The following SETD3 variants were observed in gnomAD, a reference collection of about 807,000 sequenced individuals.
SETD3 encodes the protein SET domain containing 3, actin N3(tau)-histidine methyltransferase.
SETD3 carries 19 observed loss-of-function variants against 63.0 expected under a neutral mutation model. The observed-to-expected ratio is 0.30, with a 90% CI of 0.21 to 0.44. SETD3 has a LOEUF of 0.44. SETD3 is among the 20% of genes least tolerant of loss of function. The probability of loss-of-function intolerance (pLI) is 1.00; values close to 1 mark genes in which losing one functional copy is unlikely to be tolerated. For synonymous variants in SETD3, 286 were observed against 264.1 expected (o/e 1.08, Z -0.80); for missense variants, 587 against 728.5 (o/e 0.81, Z 2.24).
intron 11 of SETD3, 39 bp downstream of exon 11, chr14:99,404,186 G>A: frequency 6.5e-7 from 1 of 1,548,366 alleles, no homozygotes; most frequent in Non-Finnish European, 8.9e-7. Flanking sequence ...GATTTAAAAA[G>A]AAAAAAGTCA....
chr14:99,447,627 T>C (rs1264458574), intron 6 of SETD3, among the ~76,000 whole-genome samples: 1 of 152,202 alleles, frequency 6.6e-6, no homozygotes, highest in Admixed American at 6.5e-5. Context: ...CCAGTGGCTC[T>C]ACCAAACTTT....
At chr14:99,486,077 A>G in the SETD3 span, among the ~76,000 whole-genome samples, 234 of 152,344 alleles carry the variant, frequency 1.5e-3, 2 homozygotes, top group African/African-American at 5.4e-3. Flanking sequence ...TCATGAAACC[A>G]TCACAATTTT....
chr14:99,477,063 T>C (rs1359285480), intron 1 of SETD3, among the ~76,000 whole-genome samples: 3 of 152,190 alleles, frequency 2.0e-5, no homozygotes, highest in Non-Finnish European at 4.4e-5. Context: ...AATGATTCAC[T>C]TTGGCTTAGT....
At chr14:99,409,700 A>G (rs1004517726) in intron 8 of SETD3, 1 of 149,636 alleles carries the variant, frequency 6.7e-6, no homozygotes, top group Non-Finnish European at 1.5e-5. Context: ...TTCCACAAAT[A>G]TGTATTATAT....
At chr14:99,430,045 G>A (rs902826802) in intron 6 of SETD3, among the ~76,000 whole-genome samples, 1 of 152,228 alleles carries the variant, frequency 6.6e-6, no homozygotes, top group African/African-American at 2.4e-5. Context: ...GATGGCTCAA[G>A]ATGGGCCTGA....
chr14:99,401,215 T>A (rs1036148585), intron 11 of SETD3, among the ~76,000 whole-genome samples: 1 of 151,992 alleles, frequency 6.6e-6, no homozygotes, highest in Non-Finnish European at 1.5e-5. Context: ...TAAATAGGAA[T>A]TACAAATACA....
intron 6 of SETD3, among the ~76,000 whole-genome samples, chr14:99,446,796 G>A (rs760428983): frequency 9.2e-5 from 14 of 152,038 alleles, no homozygotes; most frequent in Admixed American, 2.6e-4. Context: ...GAGCAGAAGC[G>A]TTGCCAGTCC....
At chr14:99,481,216 T>C, upstream of SETD3, 1 of 392,828 alleles carries the variant, frequency 2.5e-6, no homozygotes. Context: ...ACCGACGGGA[T>C]GGGCCCTGTG....
At chr14:99,472,612 T>C (rs1215962251) in intron 1 of SETD3, among the ~76,000 whole-genome samples, 1 of 152,238 alleles carries the variant, frequency 6.6e-6, no homozygotes, top group African/African-American at 2.4e-5. Flanking sequence ...ACCAAATGTT[T>C]ATTTTCAATA....
chr14:99,477,264 T>C (rs1184444626), intron 1 of SETD3, among the ~76,000 whole-genome samples: 1 of 152,218 alleles, frequency 6.6e-6, no homozygotes, highest in Non-Finnish European at 1.5e-5. Context: ...TCCATTCAAA[T>C]TTATCTCAGT....
At chr14:99,401,455 C>T (rs938385447) in intron 11 of SETD3, among the ~76,000 whole-genome samples, 3 of 152,130 alleles carry the variant, frequency 2.0e-5, no homozygotes, top group Non-Finnish European at 4.4e-5. Context: ...TGAAGAACTG[C>T]GGCTGCCAGC....
At chr14:99,415,714 T>C (rs1892255782) in intron 6 of SETD3, among the ~76,000 whole-genome samples, 1 of 152,218 alleles carries the variant, frequency 6.6e-6, no homozygotes, top group Non-Finnish European at 1.5e-5. Flanking sequence ...ATAGTTCTTA[T>C]CTTCTTAAGA....
chr14:99,421,228 A>C (rs1433543320), intron 6 of SETD3, among the ~76,000 whole-genome samples: 1 of 152,140 alleles, frequency 6.6e-6, no homozygotes, highest in East Asian at 1.9e-4. Context: ...ACTAGAAATA[A>C]ACAGAACGGT....
At chr14:99,427,084 T>C (rs1892923631) in intron 6 of SETD3, among the ~76,000 whole-genome samples, 1 of 152,220 alleles carries the variant, frequency 6.6e-6, no homozygotes, top group Non-Finnish European at 1.5e-5. Context: ...CCTGTCATGT[T>C]CCTATGACGA....
chr14:99,460,060 G>A (rs1466583469), intron 4 of SETD3, among the ~76,000 whole-genome samples: 1 of 152,202 alleles, frequency 6.6e-6, no homozygotes, highest in Non-Finnish European at 1.5e-5. Flanking sequence ...CACAAGAGAA[G>A]AACATGTGGC....
At chr14:99,453,311 T>C (rs966611903) in intron 6 of SETD3, among the ~76,000 whole-genome samples, 12 of 152,230 alleles carry the variant, frequency 7.9e-5, no homozygotes, top group African/African-American at 2.9e-4. Flanking sequence ...TTAAGACTTT[T>C]AGAACCGATG....
At chr14:99,467,137 ATCTTC>A (rs1443533485) in intron 1 of SETD3, among the ~76,000 whole-genome samples, 5 of 152,230 alleles carry the variant, frequency 3.3e-5, no homozygotes, top group African/African-American at 1.2e-4. Flanking sequence ...TAACGTGTGT[ATCTTC>A]TCTTATGTAT....
At chr14:99,428,219 A>G (rs1394199682) in intron 6 of SETD3, among the ~76,000 whole-genome samples, 1 of 152,224 alleles carries the variant, frequency 6.6e-6, no homozygotes, top group Non-Finnish European at 1.5e-5. Context: ...AATCCCTGCT[A>G]CCAGAGTTTG....
chr14:99,419,287 A>G (rs1892447706), intron 6 of SETD3, among the ~76,000 whole-genome samples: 1 of 152,200 alleles, frequency 6.6e-6, no homozygotes, highest in Non-Finnish European at 1.5e-5. Context: ...TCTATGACAA[A>G]TGTGTATCAC....
Sources: gnomAD v4.1 joint callset for allele counts (sites outside exome capture counted in the v4.1 genomes callset) on GRCh38, gnomAD v4.1.1 for gene constraint, MANE v1.5 for transcripts, NCBI Gene and HGNC (gene_info 2026-07-23, HGNC 2026-07-21) for gene names.